Variants in ACYP2 observed in about 807,000 individuals in gnomAD.
ACYP2 encodes acylphosphatase 2.
In ACYP2, 12 loss-of-function variants were observed where a neutral mutation model predicts 11.2. The ratio of observed to expected loss-of-function variants is 1.08; its 90% confidence interval spans 0.69 to 1.74. The LOEUF is 1.74. Ranked by LOEUF, ACYP2 falls within the 40% of genes most tolerant of loss-of-function variation. ACYP2 has a pLI of 0.00. For synonymous variants in ACYP2, 43 were observed against 32.2 expected (o/e 1.33, Z -1.13); for missense variants, 134 against 101.9 (o/e 1.31, Z -1.35).
chr2:54,226,824 T>G (rs1686030038), intron 6 of ACYP2, among the ~76,000 whole-genome samples: 1 of 152,166 alleles, frequency 6.6e-6, no homozygotes, highest in African/African-American at 2.4e-5. Flanking sequence ...TAAATTAGAG[T>G]TTGAGAAATG....
At chr2:54,281,354 G>T (rs1474748543) in intron 6 of ACYP2, among the ~76,000 whole-genome samples, 2 of 152,212 alleles carry the variant, frequency 1.3e-5, no homozygotes, top group African/African-American at 2.4e-5. Context: ...AAGCAAATCA[G>T]TGGTGCTGCC....
At chr2:54,025,374 A>C (rs1558478921) in intron 2 of ACYP2, among the ~76,000 whole-genome samples, 2 of 152,200 alleles carry the variant, frequency 1.3e-5, no homozygotes, top group South Asian at 4.1e-4. Context: ...TATTGGCATA[A>C]AAATAGGCAC....
At chr2:53,987,312 A>G (rs1251020011) in intron 2 of ACYP2, among the ~76,000 whole-genome samples, 1 of 151,958 alleles carries the variant, frequency 6.6e-6, no homozygotes, top group African/African-American at 2.4e-5. Flanking sequence ...TATGATACAT[A>G]TCTTTTTATA....
chr2:54,225,831 T>C (rs1299777633), intron 6 of ACYP2, among the ~76,000 whole-genome samples: 1 of 152,142 alleles, frequency 6.6e-6, no homozygotes, highest in Non-Finnish European at 1.5e-5. Flanking sequence ...AAAATAAGCT[T>C]TTACTTTCTG....
intron 6 of ACYP2, among the ~76,000 whole-genome samples, chr2:54,304,206 TTA>T (rs1180519763): frequency 2.4e-4 from 26 of 110,594 alleles, no homozygotes; most frequent in African/African-American, 8.6e-4. Context: ...ATCTCTTTCA[TTA>T]TATATATGTC....
rs749908739 is a variant in ACYP2, at chr2:54,256,093, G to C, written c.405-48595G>C. On this transcript the variant is annotated intron_variant, in intron 6 of 6. Coordinates refer to ENST00000607452, the MANE Select transcript of ACYP2 (RefSeq NM_001320586.2). ...TTCTCGGGACCTCTGGCCCTGGTGC[G>C]GGTCTTCCAGAGCATAGTCGAGAGT... 3.1e-6 allele frequency: 5 copies of C among 1,614,120 alleles called. No individual in the cohort carries two copies. The East Asian group carries it at 6.7e-5, about 22-fold the overall frequency.
At position 54,127,167 on chromosome 2, in the gene ACYP2, C is replaced by G. The variant is rs150622277; in HGVS notation, c.278-8286C>G. Among the ~76,000 whole-genome samples, 60 of 149,600 alleles carry G rather than the reference C, an allele frequency of 4.0e-4. 1 individual carries two copies. Among genetic ancestry groups the G allele is most frequent in the African/African-American group, 1.4e-3 (58 of 40,534 alleles). ...ATTTACATCCGTATTCTACATGGCA[C>G]TGCTCTTTTTGAAATTCTTCTATGA... On this transcript the variant is annotated intron_variant, in intron 4 of 6. Transcript: ENST00000607452.
intron 6 of ACYP2, among the ~76,000 whole-genome samples, chr2:54,169,316 G>A (rs955712460): frequency 1.3e-5 from 2 of 152,052 alleles, no homozygotes; most frequent in African/African-American, 2.4e-5. Flanking sequence ...TTGATGCTTG[G>A]AGCACACCCA....
intron 6 of ACYP2, among the ~76,000 whole-genome samples, chr2:54,260,628 C>T (rs573341313): frequency 6.6e-6 from 1 of 152,184 alleles, no homozygotes; most frequent in South Asian, 2.1e-4. Context: ...CTGAAGGTCT[C>T]CTGGGGTCGA....
intron 4 of ACYP2, among the ~76,000 whole-genome samples, chr2:54,103,278 C>T (rs1177123820): frequency 6.6e-6 from 1 of 152,204 alleles, no homozygotes; most frequent in Non-Finnish European, 1.5e-5. Context: ...ATGTCCACCA[C>T]ATCATTGTTT....
At chr2:54,234,248 T>C (rs558850905) in intron 6 of ACYP2, among the ~76,000 whole-genome samples, 1 of 152,320 alleles carries the variant, frequency 6.6e-6, no homozygotes, top group South Asian at 2.1e-4. Flanking sequence ...AAACGGATTT[T>C]ATCATTCTTT....
At chr2:54,068,250 T>C (rs571442383) in intron 4 of ACYP2, among the ~76,000 whole-genome samples, 12 of 152,326 alleles carry the variant, frequency 7.9e-5, no homozygotes, top group African/African-American at 2.9e-4. Flanking sequence ...ATCCATTTGT[T>C]GTACGCACTC....
At chr2:54,098,183 G>C (rs1678699011) in intron 4 of ACYP2, among the ~76,000 whole-genome samples, 1 of 152,012 alleles carries the variant, frequency 6.6e-6, no homozygotes, top group African/African-American at 2.4e-5. Context: ...TGGCCAGGCT[G>C]GTCTTGAGCT....
rs139262147 is a variant in ACYP2 at position 54,206,105 on chromosome 2, T to C, written c.404+67357T>C. 2.4e-3 allele frequency among the ~76,000 whole-genome samples: 360 copies of C among 152,352 alleles called. 2 individuals carry two copies. The highest frequency in any genetic ancestry group is 8.0e-3 in the African/African-American group (331 of 41,582). On this transcript the variant is annotated intron_variant, in intron 6 of 6. Coordinates refer to ENST00000607452, the MANE Select transcript of ACYP2 (RefSeq NM_001320586.2). ...GAATAAAGTTACTGCATTATTTTAA[T>C]GTAAGCTTGCTTTTTGATGGGGCAT...
rs1036281036 is a variant in ACYP2 at position 54,195,650 on chromosome 2, A to C, written c.404+56902A>C. On this transcript the variant is annotated intron_variant, in intron 6 of 6. Coordinates refer to ENST00000607452, the MANE Select transcript of ACYP2 (RefSeq NM_001320586.2). ...GACTGGCCAAAGGCAAAAAAAAAAA[A>C]ACAAAACACTGTACTAACTGGGTCA... Among the ~76,000 whole-genome samples the C allele has an allele frequency of 1.8e-4, 25 of 138,728 alleles. 1 individual carries two copies. The highest frequency in any genetic ancestry group is 6.3e-4 in the African/African-American group (24 of 37,894). 91.0% of individuals were successfully genotyped at this position (138,728 alleles called of 152,430 possible).
rs763345976 is a variant in ACYP2 at position 54,256,171 on chromosome 2, G to C, written c.405-48517G>C. On this transcript the variant is annotated intron_variant, in intron 6 of 6. Coordinates refer to ENST00000607452, the MANE Select transcript of ACYP2 (RefSeq NM_001320586.2). ...GCTCATGTTGGTAGCGGCCAGGGCAGCAGTGGGTAGAGGCCAGGCCAGAGG... is the reference window on the plus strand; with the variant it reads ...GCTCATGTTGGTAGCGGCCAGGGCACCAGTGGGTAGAGGCCAGGCCAGAGG... The C allele has an allele frequency of 4.4e-6, 7 of 1,598,930 alleles. No individual in the cohort carries two copies. In the South Asian group the frequency reaches 7.9e-5, roughly 18 times the overall value.
intron 6 of ACYP2, chr2:54,267,328 A>C: frequency 6.5e-7 from 1 of 1,549,186 alleles, no homozygotes; most frequent in East Asian, 2.4e-5. Flanking sequence ...GGGTGAAGAA[A>C]AGAAACAAGA....
intron 2 of ACYP2, chr2:53,975,421 G>A (rs1671422771): frequency 1.0e-5 from 4 of 393,696 alleles, no homozygotes; most frequent in Non-Finnish European, 1.3e-5. Flanking sequence ...TTTCTTTCGG[G>A]GAGCTGGTCT....
At chr2:54,283,580 G>A (rs890264743) in intron 6 of ACYP2, among the ~76,000 whole-genome samples, 1 of 152,180 alleles carries the variant, frequency 6.6e-6, no homozygotes, top group South Asian at 2.1e-4. Flanking sequence ...AAAAGCCCAT[G>A]GTTTTAAACC....
Sources: gnomAD v4.1 joint callset for allele counts (sites outside exome capture counted in the v4.1 genomes callset) on GRCh38, gnomAD v4.1.1 for gene constraint, MANE v1.5 for transcripts, NCBI Gene and HGNC (gene_info 2026-07-23, HGNC 2026-07-21) for gene names.